The following MYH15 variants were observed in gnomAD, a reference collection of about 807,000 sequenced individuals.
MYH15 encodes myosin heavy chain 15, also known as myosin-15.
MYH15 carries 227 observed loss-of-function variants against 240.5 expected under a neutral mutation model. That is an observed-to-expected ratio of 0.94 (90% CI 0.85 to 1.05). The LOEUF is 1.05. MYH15 is among the 50% of genes least tolerant of loss of function. MYH15 has a pLI of 0.00. For synonymous variants in MYH15, 785 were observed against 796.7 expected (o/e 0.99, Z 0.25); for missense variants, 2,217 against 2,247.5 (o/e 0.99, Z 0.27).
intron 1 of MYH15, among the ~76,000 whole-genome samples, chr3:108,509,355 C>G (rs1378865747): frequency 6.6e-6 from 1 of 152,124 alleles, no homozygotes; most frequent in Non-Finnish European, 1.5e-5. Context: ...TTCCTGGCAT[C>G]ACTATTATCT....
At chr3:108,404,452 G>A (rs189670030) in intron 33 of MYH15, among the ~76,000 whole-genome samples, 6 of 152,206 alleles carry the variant, frequency 3.9e-5, no homozygotes, top group Admixed American at 1.3e-4. Flanking sequence ...TATAATCATC[G>A]TTAATTCCAT....
At chr3:108,541,209 AT>A in the MYH15 span, among the ~76,000 whole-genome samples, 1 of 152,008 alleles carries the variant, frequency 6.6e-6, no homozygotes, top group Non-Finnish European at 1.5e-5. Flanking sequence ...AAAATAAATA[AT>A]ATAGAAAAAT....
At chr3:108,498,879 G>A (rs1341918460) in intron 5 of MYH15, among the ~76,000 whole-genome samples, 1 of 152,192 alleles carries the variant, frequency 6.6e-6, no homozygotes, top group African/African-American at 2.4e-5. Context: ...ACAGCCCCTT[G>A]AGTCTCAGCC....
intron 26 of MYH15, among the ~76,000 whole-genome samples, chr3:108,429,639 C>T (rs769721890): frequency 6.6e-6 from 1 of 152,164 alleles, no homozygotes; most frequent in Non-Finnish European, 1.5e-5. Context: ...TTATTATCAT[C>T]ACCTTAAGTA....
At chr3:108,484,797 C>G (rs1168359117) in intron 11 of MYH15, among the ~76,000 whole-genome samples, 2 of 152,074 alleles carry the variant, frequency 1.3e-5, no homozygotes, top group Non-Finnish European at 2.9e-5. Flanking sequence ...GTTCCTTTCT[C>G]TCATTGTTCT....
chr3:108,531,489 C>T (rs546332328), upstream of MYH15, among the ~76,000 whole-genome samples: 107 of 152,164 alleles, frequency 7.0e-4, no homozygotes, highest in African/African-American at 2.5e-3. Flanking sequence ...AGGTCAATGG[C>T]CTCTGATATG....
At chr3:108,545,576 AT>A in the MYH15 span, among the ~76,000 whole-genome samples, 1 of 152,108 alleles carries the variant, frequency 6.6e-6, no homozygotes, top group Non-Finnish European at 1.5e-5. Context: ...TACCAAACCA[AT>A]GTTTTAAAAC....
At chr3:108,507,686 A>G (rs1363249580) in intron 1 of MYH15, among the ~76,000 whole-genome samples, 3 of 152,120 alleles carry the variant, frequency 2.0e-5, no homozygotes, top group Admixed American at 6.5e-5. Flanking sequence ...CCTGATTACA[A>G]ACAATTCACC....
At chr3:108,408,179 C>G in intron 32 of MYH15, 101 bp downstream of exon 32, 1 of 1,339,118 alleles carries the variant, frequency 7.5e-7, no homozygotes, top group African/African-American at 1.5e-5. Flanking sequence ...AGTAAATAAA[C>G]ATTTGAATAC....
In MYH15 at chr3:108,416,908, T is replaced by G. The variant is rs1194697296; in HGVS notation, c.3852A>C (p.Glu1284Asp). The G allele has an allele frequency of 3.7e-6, 6 of 1,613,910 alleles. No homozygotes were observed. In the South Asian group the frequency reaches 5.5e-5, roughly 15 times the overall value. The change falls in exon 29 of 41, where the codon GAA becomes GAC. Residue 1284 changes from glutamate to aspartate, a missense_variant. Physicochemically the swap from Glu to Asp is conservative, Grantham distance 45. Transcript: ENST00000693548. ...GTTGGTTTATCAGAGCCTCCTTCTC[T>G]TCAAGCCTCCGTAGGAACTCGCCTA... ...SESGEFLRRL[E>D]EKEALINQLS...
intron 14 of MYH15, among the ~76,000 whole-genome samples, chr3:108,468,270 T>G (rs939331315): frequency 1.3e-5 from 2 of 152,218 alleles, no homozygotes; most frequent in Non-Finnish European, 2.9e-5. Context: ...CCAGCTGATA[T>G]AGACTTTTTT....
At chr3:108,451,989 C>CA (rs5851594) in intron 21 of MYH15, among the ~76,000 whole-genome samples, 92,115 of 139,186 alleles carry the variant, frequency 0.66, 30,586 homozygotes, top group East Asian at 0.97. Context: ...GTCATTTCTA[C>CA]AAAAAAAAAA....
intron 30 of MYH15, among the ~76,000 whole-genome samples, chr3:108,413,775 C>G (rs2082612291): frequency 1.3e-5 from 2 of 152,120 alleles, no homozygotes; most frequent in South Asian, 4.1e-4. Context: ...ACATTTTTTT[C>G]CAGCTTCCCT....
At chr3:108,525,989 T>C (rs1440981732) in intron 1 of MYH15, among the ~76,000 whole-genome samples, 1 of 152,016 alleles carries the variant, frequency 6.6e-6, no homozygotes, top group East Asian at 1.9e-4. Flanking sequence ...TCATGTCTAG[T>C]AGTGATATGG....
chr3:108,437,646 T>G lies in MYH15; in HGVS notation c.3129A>C (p.Glu1043Asp), dbSNP rs371676709. The change falls in exon 25 of 41, where the codon GAA (glutamate) becomes GAC (aspartate). Residue 1043 changes from glutamate to aspartate, a missense_variant. Coordinates refer to ENST00000693548, the MANE Select transcript of MYH15 (RefSeq NM_014981.3). ...TTAAATTGCCCTCCAGTTTGTGCAGTTCCCTTTCACAGTTCATTCTCGCTT... is the reference window on the plus strand; with the variant it reads ...TTAAATTGCCCTCCAGTTTGTGCAGGTCCCTTTCACAGTTCATTCTCGCTT... ...ERKARMNCER[E>D]LHKLEGNLKL... 25 of 1,614,024 alleles carry G rather than the reference T, an allele frequency of 1.5e-5. No individual in the cohort carries two copies. Among genetic ancestry groups the G allele is most frequent in the Admixed American group, 1.0e-4 (6 of 59,994 alleles).
intron 36 of MYH15, among the ~76,000 whole-genome samples, 154 bp downstream of exon 36, chr3:108,393,877 T>C (rs1322782895): frequency 1.3e-5 from 2 of 152,222 alleles, no homozygotes; most frequent in Non-Finnish European, 1.5e-5. Context: ...TTTTTCAAGA[T>C]GAGAACAGGG....
intron 21 of MYH15, among the ~76,000 whole-genome samples, chr3:108,453,376 G>A (rs1160990799): frequency 1.3e-5 from 2 of 152,168 alleles, no homozygotes; most frequent in South Asian, 2.1e-4. Flanking sequence ...CCTTTCTTCA[G>A]AAGACAATAT....
intron 28 of MYH15, among the ~76,000 whole-genome samples, chr3:108,420,130 G>GA (rs369909485): frequency 3.9e-4 from 58 of 149,066 alleles, no homozygotes; most frequent in South Asian, 6.4e-4. Context: ...TGGAAAAACA[G>GA]AAAAAAAAAA....
chr3:108,493,304 CAA>C (rs34979792), intron 7 of MYH15, 127 bp from the exon 8 acceptor site: 1,497 of 463,876 alleles, frequency 3.2e-3, no homozygotes, highest in South Asian at 0.014. Context: ...AAAAAACAAA[CAA>C]AAAAAAAAAA....
Sources: gnomAD v4.1 joint callset for allele counts (sites outside exome capture counted in the v4.1 genomes callset) on GRCh38, gnomAD v4.1.1 for gene constraint, MANE v1.5 for transcripts, NCBI Gene and HGNC (gene_info 2026-07-23, HGNC 2026-07-21) for gene names.